ASTN2: variants seen among roughly 807,000 people sequenced by gnomAD.
ASTN2 encodes astrotactin 2.
In ASTN2, 54 loss-of-function variants were observed where a neutral mutation model predicts 139.8. That is an observed-to-expected ratio of 0.39 (90% CI 0.31 to 0.48). ASTN2 has a LOEUF of 0.48. ASTN2 is among the 20% of genes least tolerant of loss of function. The probability of loss-of-function intolerance (pLI) is 0.95; values close to 1 mark genes in which losing one functional copy is unlikely to be tolerated. For synonymous variants in ASTN2, 756 were observed against 719.5 expected, an observed-to-expected ratio of 1.05 and a Z score of -0.81; for missense variants, 1,565 against 1,725.1, an observed-to-expected ratio of 0.91 and a Z score of 1.64.
At chr9:116,972,839 T>C (rs1393170183) in intron 10 of ASTN2, among the ~76,000 whole-genome samples, 1 of 152,232 alleles carries the variant, frequency 6.6e-6, no homozygotes, top group Non-Finnish European at 1.5e-5. Flanking sequence ...CTGTAATGCT[T>C]ACCTTCCGTT....
chr9:117,060,484 GGAATGAAAGAAAGAAAGAAAGAAAGA>G (rs1564406756), intron 5 of ASTN2, among the ~76,000 whole-genome samples: 14 of 57,956 alleles, frequency 2.4e-4, no homozygotes, highest in African/African-American at 1.3e-3. Context: ...AAGGAAGGAA[GGAATGAAAGAAAGAAAGAAAGAAAGA>G]AAGGAAGGAA....
Position 117,204,700 on chromosome 9 carries a change from T to C in ASTN2, c.1015+9658A>G, listed in dbSNP as rs74372365. Among the ~76,000 whole-genome samples, 57 of 152,224 alleles carry C rather than the reference T, an allele frequency of 3.7e-4. 1 individual carries two copies. Among genetic ancestry groups the C allele is most frequent in the African/African-American group, 1.4e-3 (57 of 41,532 alleles). ...AACTCCTCCAGCATTTGGAGTTCAT[T>C]TATCATTGGATACCCACAGCAAATC... is the stretch of plus-strand genomic sequence containing the variant. On this transcript the variant is annotated intron_variant, in intron 3 of 22. Transcript: ENST00000313400.
At chr9:116,656,285 G>A (rs1858207072) in intron 16 of ASTN2, among the ~76,000 whole-genome samples, 1 of 152,136 alleles carries the variant, frequency 6.6e-6, no homozygotes. Flanking sequence ...TAAATTACAA[G>A]GACGATAACT....
chr9:116,618,864 T>G (rs925859002), intron 18 of ASTN2, among the ~76,000 whole-genome samples: 1 of 152,134 alleles, frequency 6.6e-6, no homozygotes, highest in East Asian at 1.9e-4. Context: ...TTTAATACAA[T>G]GTACTAGCTA....
At chr9:116,536,303 T>C (rs535527039) in intron 19 of ASTN2, among the ~76,000 whole-genome samples, 150 of 152,064 alleles carry the variant, frequency 9.9e-4, no homozygotes, top group African/African-American at 3.4e-3. Flanking sequence ...GGGTTCAAAC[T>C]TCCTCCTTTA....
intron 13 of ASTN2, among the ~76,000 whole-genome samples, chr9:116,772,353 C>T (rs765328909): frequency 3.9e-5 from 6 of 152,210 alleles, no homozygotes; most frequent in African/African-American, 1.2e-4. Context: ...CCCCTGCACA[C>T]GCTCTCTTGC....
intron 3 of ASTN2, among the ~76,000 whole-genome samples, chr9:117,182,743 G>A (rs1342749567): frequency 2.0e-5 from 3 of 151,836 alleles, no homozygotes; most frequent in East Asian, 1.9e-4. Flanking sequence ...GTTACAGAAC[G>A]TCTTAAAAGC....
intron 6 of ASTN2, among the ~76,000 whole-genome samples, chr9:117,009,988 C>T (rs946164799): frequency 6.6e-6 from 1 of 152,150 alleles, no homozygotes; most frequent in African/African-American, 2.4e-5. Context: ...CTCTAATTCA[C>T]ACACATCATA....
At position 117,008,104 on chromosome 9, in the gene ASTN2, C is replaced by A; in HGVS notation, c.1579G>T (p.Asp527Tyr). 6.3e-7 allele frequency: 1 copy of A among 1,593,690 alleles called. No individual in the cohort carries two copies. The highest frequency in any genetic ancestry group is 1.7e-5 in the Admixed American group (1 of 57,372). The change falls in exon 7 of 23, where the codon GAC (aspartate) becomes TAC (tyrosine). Residue 527 changes from aspartate (D) to tyrosine (Y), a missense_variant. By Grantham distance (160) the Asp-to-Tyr change is radical. Around this residue, in one of 4 missense-constraint regions of ASTN2, gnomAD observed 503 missense variants for 591.7 expected, o/e 0.85. Coordinates refer to ENST00000313400, the MANE Select transcript of ASTN2 (RefSeq NM_001365068.1). ...TCCCATGGCTCACCGGTTTCTGGGT[C>A]GCAGAGCTGCTCACAGGCATCTGTC... ...RTTDACEQLC[D>Y]PETGECSCHE... is the part of the protein sequence containing the mutation.
chr9:117,074,661 G>A (rs1828230950), intron 5 of ASTN2, among the ~76,000 whole-genome samples: 2 of 152,108 alleles, frequency 1.3e-5, no homozygotes, highest in Admixed American at 1.3e-4. Context: ...GCAGCTACAG[G>A]GACCACAGTA....
chr9:116,992,572 G>T lies in ASTN2; in HGVS notation c.1591+15520C>A, dbSNP rs73655572. On this transcript the variant is annotated intron_variant, in intron 7 of 22. Transcript: ENST00000313400. ...CTGGTCCCAGCCCTGCTTGACAAAA[G>T]GATCAGCAAAGCTCTATTCACCCTC... is the stretch of plus-strand genomic sequence containing the variant. 3.5e-3 allele frequency among the ~76,000 whole-genome samples: 534 copies of T among 152,224 alleles called. 5 individuals carry two copies. The highest frequency in any genetic ancestry group is 0.015 in the East Asian group (77 of 5,178).
intron 3 of ASTN2, among the ~76,000 whole-genome samples, chr9:117,148,324 A>G (rs190223817): frequency 3.0e-4 from 46 of 152,332 alleles, no homozygotes; most frequent in Admixed American, 1.8e-3. Context: ...AAAAATGTCT[A>G]ACAGAGCTTC....
chr9:117,244,332 G>T (rs1432156491), intron 2 of ASTN2, among the ~76,000 whole-genome samples: 1 of 152,150 alleles, frequency 6.6e-6, no homozygotes, highest in African/African-American at 2.4e-5. Flanking sequence ...TCTGGCCACT[G>T]AGATGTACAT....
chr9:117,306,211 G>A (rs2130807112), intron 1 of ASTN2, among the ~76,000 whole-genome samples: 1 of 152,256 alleles, frequency 6.6e-6, no homozygotes, highest in East Asian at 1.9e-4. Flanking sequence ...TAAACTTAGA[G>A]TAGACTTTGT....
chr9:116,929,227 G>A (rs1342123729), intron 10 of ASTN2, among the ~76,000 whole-genome samples: 1 of 152,190 alleles, frequency 6.6e-6, no homozygotes, highest in Non-Finnish European at 1.5e-5. Context: ...ATTCTTGAGA[G>A]AAAGGTCTTC....
chr9:116,499,676 G>A (rs994207537), intron 19 of ASTN2, among the ~76,000 whole-genome samples: 3 of 152,158 alleles, frequency 2.0e-5, no homozygotes, highest in African/African-American at 7.2e-5. Flanking sequence ...CAATGAATAA[G>A]CATGGCTTCC....
intron 2 of ASTN2, among the ~76,000 whole-genome samples, chr9:117,222,607 TG>T (rs1564488539): frequency 6.6e-6 from 1 of 152,214 alleles, no homozygotes; most frequent in African/African-American, 2.4e-5. Context: ...TTACCTGGAA[TG>T]ATGCCCTCAT....
At chr9:117,051,983 A>AG (rs1418052148) in intron 5 of ASTN2, among the ~76,000 whole-genome samples, 1 of 152,216 alleles carries the variant, frequency 6.6e-6, no homozygotes, top group Non-Finnish European at 1.5e-5. Context: ...GACCTTAATA[A>AG]GCTGGTGCAC....
At chr9:117,350,907 C>T (rs915373430) in intron 1 of ASTN2, among the ~76,000 whole-genome samples, 1 of 152,108 alleles carries the variant, frequency 6.6e-6, no homozygotes, top group South Asian at 2.1e-4. Flanking sequence ...GATAACAGCA[C>T]GTTAAATCAC....
Sources: gnomAD v4.1 joint callset for allele counts (sites outside exome capture counted in the v4.1 genomes callset) on GRCh38, gnomAD v4.1.1 for gene constraint, gnomAD v4.1.1 regional missense constraint, MANE v1.5 for transcripts, NCBI Gene and HGNC (gene_info 2026-07-23, HGNC 2026-07-21) for gene names.